The following KIF21B variants were observed in gnomAD, a reference collection of about 807,000 sequenced individuals.
The protein encoded by KIF21B is kinesin-like protein KIF21B.
A neutral mutation model predicts 192.9 loss-of-function variants in KIF21B; 85 were observed. That is an observed-to-expected ratio of 0.44 (90% confidence interval 0.37 to 0.53). The LOEUF is 0.53. Ranked by LOEUF, KIF21B falls within the 20% of genes least tolerant of loss-of-function variation. The probability of loss-of-function intolerance (pLI) is 0.00; values close to 1 mark genes in which losing one functional copy is unlikely to be tolerated. For missense variants in KIF21B, 1,716 were observed against 2,194.8 expected (o/e 0.78, Z 4.36); for synonymous variants, 832 against 884.6 (o/e 0.94, Z 1.05).
rs1655779863 is a variant in KIF21B at position 200,979,552 on chromosome 1, C to T, written c.4143G>A (p.Lys1381=). 1.3e-6 allele frequency: 2 copies of T among 1,560,972 alleles called. No homozygotes were observed. Among genetic ancestry groups the T allele is most frequent in the African/African-American group, 2.8e-5 (2 of 72,554 alleles). The change falls in exon 30 of 35, where the codon AAG becomes AAA. Residue 1381 remains lysine, a synonymous_variant. Coordinates refer to ENST00000461742, the MANE Select transcript of KIF21B (RefSeq NM_001252102.2). ...TTACTCACGTGAGAGTCCGAATGCA[C>T]TTGGCTGAGTCCCGGATGTCCCACA... ...IKVWDIRDSA[K]CIRTLTSSGQ... is the part of the protein sequence containing the mutation.
At chr1:201,014,363 C>A (rs537799001) in intron 1 of KIF21B, among the ~76,000 whole-genome samples, 1 of 152,332 alleles carries the variant, frequency 6.6e-6, no homozygotes, top group East Asian at 1.9e-4. Flanking sequence ...CACAGAGCTG[C>A]AGGAAGAGCT....
intron 26 of KIF21B, 87 bp downstream of exon 26, chr1:200,986,757 T>G (rs77390869): frequency 0.012 from 13,824 of 1,186,872 alleles, 121 homozygotes; most frequent in Non-Finnish European, 0.015. Flanking sequence ...TACAAGATGA[T>G]CAACAGAGCA....
intron 21 of KIF21B, among the ~76,000 whole-genome samples, chr1:200,989,369 G>A (rs1057132610): frequency 6.6e-6 from 1 of 152,148 alleles, no homozygotes; most frequent in Non-Finnish European, 1.5e-5. Context: ...GGGGTCAGGC[G>A]GCAGAGTCTC....
intron 15 of KIF21B, 123 bp downstream of exon 15, chr1:200,996,073 A>T: frequency 1.0e-6 from 1 of 1,002,994 alleles, no homozygotes; most frequent in Non-Finnish European, 1.5e-6. Flanking sequence ...AAACTAGGTT[A>T]ATGCTGTGTG....
chr1:200,982,427 C>T lies in KIF21B; in HGVS notation c.3842+629G>A, dbSNP rs950572730. ...TGTCAGGGGCTCGGGACCCCAGGTC[C>T]TGAGTCTTGCTCCTCGTTGTGCGGT... On this transcript the variant is annotated intron_variant, in intron 28 of 34. Transcript: ENST00000461742. This position sits in a 1 kb window ranked among gnomAD's most constrained non-coding sequence, Gnocchi z 4.7. Among the ~76,000 whole-genome samples the T allele has an allele frequency of 5.3e-5, 8 of 152,330 alleles. No individual in the cohort carries two copies. Among genetic ancestry groups the T allele is most frequent in the African/African-American group, 1.9e-4 (8 of 41,564 alleles).
chr1:201,014,226 G>A lies in KIF21B; in HGVS notation c.42-4738C>T, dbSNP rs76415414. Among the ~76,000 whole-genome samples the A allele has an allele frequency of 2.0e-3, 299 of 152,352 alleles. 13 individuals are homozygous for A. In the East Asian group the frequency reaches 0.055, roughly 28 times the overall value. Reference sequence around the variant, plus strand: ...AGCCGTCCTCCACCCCCGGAGAAACGCGCACGCGGAGGCCAGGGACATGCG... The same window carrying A: ...AGCCGTCCTCCACCCCCGGAGAAACACGCACGCGGAGGCCAGGGACATGCG... On this transcript the variant is annotated intron_variant, in intron 1 of 34. Transcript: ENST00000461742.
intron 34 of KIF21B, 37 bp downstream of exon 34, chr1:200,974,677 G>A (rs777448524): frequency 8.7e-6 from 14 of 1,605,172 alleles, no homozygotes; most frequent in Middle Eastern, 1.7e-4. Flanking sequence ...GGAAGGAGAT[G>A]AGGGAGCAGA....
chr1:201,022,250 A>T (rs962371127), intron 1 of KIF21B, among the ~76,000 whole-genome samples: 8 of 152,174 alleles, frequency 5.3e-5, no homozygotes, highest in Admixed American at 2.6e-4. Context: ...GGACCCCTGG[A>T]ATCTGGGTCA....
At chr1:201,018,706 C>T (rs1028861247) in intron 1 of KIF21B, among the ~76,000 whole-genome samples, 3 of 152,224 alleles carry the variant, frequency 2.0e-5, no homozygotes, top group Non-Finnish European at 2.9e-5. Flanking sequence ...ATGGGAATAA[C>T]ATCAATCACC....
chr1:200,976,997 C>A, intron 31 of KIF21B, 104 bp from the exon 32 acceptor site: 2 of 986,944 alleles, frequency 2.0e-6, no homozygotes, highest in Non-Finnish European at 3.0e-6. Context: ...AGGGTACTCA[C>A]CCTCCCCTCT....
chr1:200,978,376 AT>A lies in KIF21B; in HGVS notation c.4161-1001del, dbSNP rs915621952. 1.2e-3 allele frequency among the ~76,000 whole-genome samples: 170 copies of A among 142,534 alleles called. 1 individual carries two copies. The highest frequency in any genetic ancestry group is 3.7e-3 in the African/African-American group (140 of 38,310). The allele number at this position is 142,534 out of a possible 152,430, so 93.5% of individuals were successfully genotyped here. ...GTTTACTTTTTTTTTTTAAGACTTTATTTTTTTTTTTAAGGCCAGTTTTAGG... is the reference window on the plus strand; with the variant it reads ...GTTTACTTTTTTTTTTTAAGACTTTATTTTTTTTTTAAGGCCAGTTTTAGG... On this transcript the variant is annotated intron_variant, in intron 30 of 34. Transcript: ENST00000461742.
intron 1 of KIF21B, among the ~76,000 whole-genome samples, chr1:201,022,099 C>T (rs1658868937): frequency 6.6e-6 from 1 of 152,208 alleles, no homozygotes; most frequent in Admixed American, 6.5e-5. Context: ...CTTCCCTTCA[C>T]CCAAGCACTG....
In KIF21B at chr1:200,998,956, C is replaced by T. The variant is rs1657273909; in HGVS notation, c.1886-381G>A. On this transcript the variant is annotated intron_variant, in intron 13 of 34. Coordinates refer to ENST00000461742, the MANE Select transcript of KIF21B (RefSeq NM_001252102.2). This position sits in a 1 kb window ranked among gnomAD's most constrained non-coding sequence, Gnocchi z 4.3. Reference sequence around the variant, plus strand: ...CAGCAGGCAGGGCTGAAGGGGCAGGCATCTCCATTTAGAGGAGAGGGCTTT... The same window carrying T: ...CAGCAGGCAGGGCTGAAGGGGCAGGTATCTCCATTTAGAGGAGAGGGCTTT... 1.3e-5 allele frequency among the ~76,000 whole-genome samples: 2 copies of T among 152,154 alleles called. No homozygotes were observed. The highest frequency in any genetic ancestry group is 1.3e-4 in the Admixed American group (2 of 15,276).
At chr1:201,003,478 G>C in intron 8 of KIF21B, 108 bp downstream of exon 8, 1 of 1,069,096 alleles carries the variant, frequency 9.4e-7, no homozygotes. Flanking sequence ...TGGTAATAGG[G>C]AGGTGGGAGG....
rs914317939 is a variant in KIF21B, at chr1:200,998,369, T to C, written c.2077+15A>G. The stretch of plus-strand genomic sequence containing the variant: ...AGGGTCCGGATGGGGTGGAGGGGCA[T>C]GGCGGTGGCCTCACTGAGGTTCTGC... On this transcript the variant is annotated intron_variant, in intron 14 of 34. Transcript: ENST00000461742. The surrounding 1 kb of genome is among the most constrained non-coding windows in gnomAD (Gnocchi z 4.3). 3.7e-6 allele frequency: 6 copies of C among 1,603,504 alleles called. No individual in the cohort carries two copies. Among genetic ancestry groups the C allele is most frequent in the African/African-American group, 1.3e-5 (1 of 74,840 alleles).
In KIF21B at chr1:201,018,703, T is replaced by C. The variant is rs1222140358; in HGVS notation, c.41+4640A>G. Among the ~76,000 whole-genome samples the C allele has an allele frequency of 2.0e-5, 3 of 152,208 alleles. No homozygotes were observed. The East Asian group carries it at 5.8e-4, about 29-fold the overall frequency. On this transcript the variant is annotated intron_variant, in intron 1 of 34. Coordinates refer to ENST00000461742, the MANE Select transcript of KIF21B (RefSeq NM_001252102.2). Reference sequence around the variant, plus strand: ...TGTTTGTGCATCTATATGATGGGAATAACATCAATCACCTAGCCAGCTGAA... The same window carrying C: ...TGTTTGTGCATCTATATGATGGGAACAACATCAATCACCTAGCCAGCTGAA...
intron 16 of KIF21B, among the ~76,000 whole-genome samples, chr1:200,991,972 G>T (rs892827046): frequency 2.6e-5 from 4 of 152,248 alleles, no homozygotes; most frequent in Non-Finnish European, 4.4e-5. Context: ...ATCCTGGAGC[G>T]GAGGGCTCAG....
At chr1:200,981,371 AG>A (rs1362317229) in intron 28 of KIF21B, among the ~76,000 whole-genome samples, 10 of 152,338 alleles carry the variant, frequency 6.6e-5, no homozygotes, top group African/African-American at 2.4e-4. Context: ...TAGAAGGTGC[AG>A]GAGGTGTGGG....
At chr1:200,983,384 G>A (rs1356943718) in intron 27 of KIF21B, among the ~76,000 whole-genome samples, 1 of 152,118 alleles carries the variant, frequency 6.6e-6, no homozygotes, top group East Asian at 1.9e-4. Flanking sequence ...CCACACATGG[G>A]GAGACGTTTC....
Sources: allele counts gnomAD v4.1 joint callset (sites outside exome capture counted in the v4.1 genomes callset), GRCh38; gene constraint gnomAD v4.1.1; non-coding constraint Gnocchi (gnomAD v3.1); transcripts MANE v1.5; gene names NCBI Gene and HGNC (gene_info 2026-07-23, HGNC 2026-07-21).